ATIC: variants seen among roughly 807,000 people sequenced by gnomAD.
ATIC encodes the protein 5-aminoimidazole-4-carboxamide ribonucleotide formyltransferase/IMP cyclohydrolase, also known as bifunctional purine biosynthesis protein ATIC.
ATIC carries 64 observed loss-of-function variants against 72.5 expected under a neutral mutation model. The ratio of observed to expected loss-of-function variants is 0.88; its 90% CI spans 0.72 to 1.09. ATIC has a LOEUF of 1.09. ATIC is among the 50% of genes least tolerant of loss of function. The pLI, the probability that ATIC is intolerant of heterozygous loss-of-function variation, is 0.00. For synonymous variants in ATIC, 281 were observed against 267.1 expected, an observed-to-expected ratio of 1.05 and a Z score of -0.51; for missense variants, 787 against 732.4, an observed-to-expected ratio of 1.07 and a Z score of -0.86.
Position 215,326,802 on chromosome 2 carries a change from A to G in ATIC, c.532-20A>G. 1 of 1,613,788 alleles carries G rather than the reference A, an allele frequency of 6.2e-7. No individual in the cohort carries two copies. Among genetic ancestry groups the G allele is most frequent in the Admixed American group, 1.7e-5 (1 of 59,998 alleles). On this transcript the variant is annotated intron_variant, in intron 6 of 15. Transcript: ENST00000236959. The stretch of plus-strand genomic sequence containing the variant: ...TTGGAAAGTGCTGCTCGTGTCTCAC[A>G]AAACTTACGCTTTTTGTAGGCATTC...
chr2:215,312,134 C>A lies in ATIC; in HGVS notation c.-9C>A, dbSNP rs1168813746. Reference sequence around the variant, plus strand: ...CCTCCCGCTCGCCCTGAACCCAGTGCCTGCAGCCATGGCTCCCGGCCAGCT... The same window carrying A: ...CCTCCCGCTCGCCCTGAACCCAGTGACTGCAGCCATGGCTCCCGGCCAGCT... On this transcript the variant is annotated 5_prime_UTR_variant, in exon 1 of 16. Transcript: ENST00000236959. 2 of 1,527,392 alleles carry A rather than the reference C, an allele frequency of 1.3e-6. No individual in the cohort carries two copies. The highest frequency in any genetic ancestry group is 2.4e-5 in the South Asian group (2 of 82,852). 94.6% of individuals were successfully genotyped at this position (1,527,392 alleles called of 1,614,324 possible).
Position 215,336,085 on chromosome 2 carries a change from A to G in ATIC, c.1059A>G (p.Ile353Met), listed in dbSNP as rs1039414637. 6.2e-7 allele frequency: 1 copy of G among 1,613,410 alleles called. No homozygotes were observed. The highest frequency in any genetic ancestry group is 8.5e-7 in the Non-Finnish European group (1 of 1,179,552). ...APGYEEEALT[I>M]LSKKKNGNYC... ...GATATGAAGAAGAAGCCTTGACAAT[A>G]CTTTCCAAAAAGAAAAATGGAAACT... The change falls in exon 11 of 16, where the codon ATA (isoleucine) becomes ATG (methionine). Residue 353 changes from isoleucine to methionine, a missense_variant. Physicochemically the swap from Ile to Met is conservative, Grantham distance 10. Coordinates refer to ENST00000236959, the MANE Select transcript of ATIC (RefSeq NM_004044.7).
At chr2:215,328,781 G>A (rs112260754) in intron 7 of ATIC, among the ~76,000 whole-genome samples, 4,814 of 150,450 alleles carry the variant, frequency 0.032, 245 homozygotes, top group African/African-American at 0.11. Context: ...GCAGTGGTGC[G>A]ATCTTGGCTC....
At chr2:215,317,031 G>A (rs2052717580) in intron 2 of ATIC, among the ~76,000 whole-genome samples, 1 of 152,152 alleles carries the variant, frequency 6.6e-6, no homozygotes, top group Non-Finnish European at 1.5e-5. Flanking sequence ...CCAAAGTGCT[G>A]GGATTACAGG....
At chr2:215,318,317 A>G in intron 3 of ATIC, 84 bp downstream of exon 3, 1 of 1,272,488 alleles carries the variant, frequency 7.9e-7, no homozygotes, top group Non-Finnish European at 1.1e-6. Context: ...ATAAAGGAAG[A>G]AAAAGGCTCA....
chr2:215,326,211 G>T, intron 6 of ATIC, 73 bp downstream of exon 6: 1 of 1,572,396 alleles, frequency 6.4e-7, no homozygotes, highest in South Asian at 1.1e-5. Flanking sequence ...GCAGTATTCA[G>T]TTCTTGGTAG....
chr2:215,312,673 G>A (rs773888364), intron 2 of ATIC, 49 bp downstream of exon 2: 2 of 1,613,728 alleles, frequency 1.2e-6, no homozygotes, highest in Non-Finnish European at 1.7e-6. Flanking sequence ...ACATTAACCA[G>A]GAAGTATTGT....
chr2:215,333,421 C>T lies in ATIC; in HGVS notation c.886C>T (p.Leu296Phe), dbSNP rs374860324. The T allele has an allele frequency of 4.3e-6, 7 of 1,613,930 alleles. No homozygotes were observed. The African/African-American group carries it at 6.7e-5, about 15-fold the overall frequency. ...VCMVYDLYKT[L>F]TPISAAYARA... is the part of the protein sequence containing the mutation. Reference sequence around the variant, plus strand: ...CATGGTTTATGATCTCTATAAAACCCTCACACCCATCTCAGCGGCATATGC... The same window carrying T: ...CATGGTTTATGATCTCTATAAAACCTTCACACCCATCTCAGCGGCATATGC... The change falls in exon 9 of 16, where the codon CTC becomes TTC. Residue 296 changes from leucine to phenylalanine, a missense_variant. Coordinates refer to ENST00000236959, the MANE Select transcript of ATIC (RefSeq NM_004044.7).
the ATIC span, chr2:215,364,738 A>T: frequency 2.0e-4 from 137 of 694,400 alleles, 1 homozygote; most frequent in South Asian, 7.8e-4. Flanking sequence ...GCTCTATGTC[A>T]GCAGTTGTAT....
chr2:215,318,367 G>A lies in ATIC; in HGVS notation c.223+134G>A, dbSNP rs530506345. On this transcript the variant is annotated intron_variant, in intron 3 of 15. Coordinates refer to ENST00000236959, the MANE Select transcript of ATIC (RefSeq NM_004044.7). Reference sequence around the variant, plus strand: ...ATAAAGTTAATGTTATGAAGTTGCTGCCAGATTTCATAATACGTTAGAACT... The same window carrying A: ...ATAAAGTTAATGTTATGAAGTTGCTACCAGATTTCATAATACGTTAGAACT... 4.7e-6 allele frequency: 4 copies of A among 855,304 alleles called. No homozygotes were observed. The East Asian group carries it at 1.0e-4, about 22-fold the overall frequency. 53.0% of individuals were successfully genotyped at this position (855,304 alleles called of 1,614,324 possible). A position where few individuals can be genotyped will look rare whatever the true frequency, so the allele number is the denominator to read the frequency against.
Position 215,336,027 on chromosome 2 carries a change from T to G in ATIC, c.1009-8T>G. 6.3e-7 allele frequency: 1 copy of G among 1,593,412 alleles called. No individual in the cohort carries two copies. Among genetic ancestry groups the G allele is most frequent in the Non-Finnish European group, 8.6e-7 (1 of 1,164,578 alleles). On this transcript the variant is annotated splice_polypyrimidine_tract_variant and splice_region_variant and intron_variant, in intron 10 of 15. Coordinates refer to ENST00000236959, the MANE Select transcript of ATIC (RefSeq NM_004044.7). ...AAAAATAGAAATTAAAATTTAATAT[T>G]TTTGCAGGTATCTGATGGTATAATT...
chr2:215,338,283 T>G (rs760877852), intron 11 of ATIC, among the ~76,000 whole-genome samples: 3 of 152,218 alleles, frequency 2.0e-5, no homozygotes, highest in Admixed American at 6.5e-5. Flanking sequence ...ACAAATCCTG[T>G]TTTCTCACTT....
chr2:215,356,938 G>A, the ATIC span, among the ~76,000 whole-genome samples: 1 of 152,094 alleles, frequency 6.6e-6, no homozygotes, highest in East Asian at 1.9e-4. Flanking sequence ...CTGTTCTCTC[G>A]AGTATATATC....
chr2:215,333,265 G>T, intron 8 of ATIC, 85 bp from the exon 9 acceptor site: 1 of 1,096,382 alleles, frequency 9.1e-7, no homozygotes, highest in Middle Eastern at 2.1e-4. Flanking sequence ...CGTAGACTGG[G>T]TGTTAAGAAA....
chr2:215,365,557 C>T, the ATIC span: 1 of 1,614,102 alleles, frequency 6.2e-7, no homozygotes, highest in East Asian at 2.2e-5. Flanking sequence ...TGCAGCTCAT[C>T]ATCTGGCCAT....
At chr2:215,336,575 T>G (rs992287101) in intron 11 of ATIC, among the ~76,000 whole-genome samples, 5 of 152,258 alleles carry the variant, frequency 3.3e-5, no homozygotes, top group Non-Finnish European at 7.3e-5. Context: ...AATTTCTTGC[T>G]TATCTTTCCT....
intron 4 of ATIC, among the ~76,000 whole-genome samples, chr2:215,323,152 C>A (rs565385425): frequency 2.0e-5 from 3 of 152,028 alleles, no homozygotes; most frequent in Non-Finnish European, 4.4e-5. Context: ...TCACCGTGTT[C>A]GCCAGGATGG....
At chr2:215,350,760 A>ACCTGTGCATCTGTGTGTCCTG (rs2053124299), downstream of ATIC, among the ~76,000 whole-genome samples, 1 of 152,104 alleles carries the variant, frequency 6.6e-6, no homozygotes, top group African/African-American at 2.4e-5. Context: ...ATCAGGACAG[A>ACCTGTGCATCTGTGTGTCCTG]CCTGTGCATC....
chr2:215,333,725 A>G (rs1172400393), intron 9 of ATIC, among the ~76,000 whole-genome samples: 1 of 152,134 alleles, frequency 6.6e-6, no homozygotes, highest in Admixed American at 6.5e-5. Flanking sequence ...GTACCTCAAA[A>G]TACATTTCTT....
Sources: allele counts gnomAD v4.1 joint callset (sites outside exome capture counted in the v4.1 genomes callset), GRCh38; gene constraint gnomAD v4.1.1; transcripts MANE v1.5; gene names NCBI Gene and HGNC (gene_info 2026-07-23, HGNC 2026-07-21).